IFI27L1: variants seen among roughly 807,000 people sequenced by gnomAD.
The protein encoded by IFI27L1 is interferon alpha-inducible protein 27-like protein 1.
Under a neutral mutation model 9.2 loss-of-function variants are expected in IFI27L1, and 3 were observed. That is an observed-to-expected ratio of 0.32 (90% CI 0.15 to 0.84). The LOEUF (loss-of-function observed/expected upper bound fraction) is 0.84. IFI27L1 is among the 40% of genes least tolerant of loss of function. The probability of loss-of-function intolerance (pLI) is 0.56; values close to 1 mark genes in which losing one functional copy is unlikely to be tolerated. For synonymous variants in IFI27L1, 53 were observed against 50.0 expected, an observed-to-expected ratio of 1.06 and a Z score of -0.26; for missense variants, 133 against 134.2, an observed-to-expected ratio of 0.99 and a Z score of 0.05.
At chr14:94,096,718 T>G in intron 1 of IFI27L1, 169 bp from the exon 2 acceptor site, 2 of 423,086 alleles carry the variant, frequency 4.7e-6, no homozygotes, top group Non-Finnish European at 4.2e-6. Flanking sequence ...AAAAAGGCTA[T>G]GCTTTAAATA....
At chr14:94,102,050 C>CT in intron 4 of IFI27L1, 75 bp downstream of exon 4, 1 of 1,494,692 alleles carries the variant, frequency 6.7e-7, no homozygotes, top group South Asian at 1.1e-5. Context: ...GGCCTCTCCT[C>CT]TCCCTGCAGG....
At chr14:94,102,195 C>T (rs1886927361) in intron 4 of IFI27L1, 2 of 611,606 alleles carry the variant, frequency 3.3e-6, no homozygotes, top group Non-Finnish European at 5.8e-6. Context: ...AGGTCTCCTC[C>T]CCTCTCTGGG....
intron 1 of IFI27L1, among the ~76,000 whole-genome samples, chr14:94,088,562 C>T (rs961961556): frequency 6.7e-6 from 1 of 149,664 alleles, no homozygotes; most frequent in East Asian, 2.0e-4. Context: ...TGCAGTGACA[C>T]GATCTCAGCT....
chr14:94,085,970 A>G (rs1481004827), intron 1 of IFI27L1, among the ~76,000 whole-genome samples: 2 of 152,244 alleles, frequency 1.3e-5, no homozygotes, highest in Non-Finnish European at 2.9e-5. Context: ...ATACGTATGT[A>G]TAAGCATTCT....
chr14:94,100,959 C>T (rs1886872800), intron 3 of IFI27L1, 188 bp downstream of exon 3: 1 of 662,850 alleles, frequency 1.5e-6, no homozygotes, highest in South Asian at 1.8e-5. Flanking sequence ...AGGCACAGGG[C>T]TTTGGAGGCA....
intron 1 of IFI27L1, among the ~76,000 whole-genome samples, chr14:94,082,403 C>A (rs543923533): frequency 6.6e-6 from 1 of 151,784 alleles, no homozygotes; most frequent in East Asian, 1.9e-4. Context: ...GCAAGTTATC[C>A]CCAAGATCTA....
intron 2 of IFI27L1, chr14:94,100,458 A>C: frequency 1.0e-6 from 1 of 985,342 alleles, no homozygotes; most frequent in Non-Finnish European, 1.2e-6. Flanking sequence ...AGGCCCAGGC[A>C]TGCTCTGCCC....
chr14:94,096,757 A>G (rs1886686264), intron 1 of IFI27L1, 130 bp from the exon 2 acceptor site: 1 of 529,614 alleles, frequency 1.9e-6, no homozygotes, highest in Non-Finnish European at 3.4e-6. Flanking sequence ...AAGTGGGTTT[A>G]CGGGATTATA....
At chr14:94,086,182 G>A (rs551173577) in intron 1 of IFI27L1, among the ~76,000 whole-genome samples, 27 of 152,166 alleles carry the variant, frequency 1.8e-4, no homozygotes, top group Middle Eastern at 3.4e-3. Flanking sequence ...AAAGTGTGTG[G>A]CGCCTCCCCT....
At position 94,096,970 on chromosome 14, in the gene IFI27L1, G is replaced by A; in HGVS notation, c.28+5G>A. The A allele has an allele frequency of 6.2e-7, 1 of 1,611,540 alleles. No individual in the cohort carries two copies. Among genetic ancestry groups the A allele is most frequent in the Non-Finnish European group, 8.5e-7 (1 of 1,178,510 alleles). On this transcript the variant is annotated splice_donor_5th_base_variant and intron_variant, in intron 2 of 4. Coordinates refer to ENST00000555523, the MANE Select transcript of IFI27L1 (RefSeq NM_206949.3). ...AGGAGAGTGGATGGGACTCAGGTGG[G>A]TACTGCACATGATTCTGGGGGCTGC...
At chr14:94,096,988 G>A in intron 2 of IFI27L1, 23 bp downstream of exon 2, 1 of 1,600,446 alleles carries the variant, frequency 6.2e-7, no homozygotes, top group Non-Finnish European at 8.5e-7. Context: ...CATGATTCTG[G>A]GGGCTGCTGG....
chr14:94,088,582 C>T (rs1448776297), intron 1 of IFI27L1, among the ~76,000 whole-genome samples: 2 of 150,210 alleles, frequency 1.3e-5, no homozygotes, highest in African/African-American at 4.9e-5. Context: ...TCACTGCAAG[C>T]TCCACCCCCT....
At chr14:94,096,212 G>T (rs1345501164) in intron 1 of IFI27L1, among the ~76,000 whole-genome samples, 2 of 152,184 alleles carry the variant, frequency 1.3e-5, no homozygotes, top group Non-Finnish European at 2.9e-5. Flanking sequence ...CTTATCCCAT[G>T]GGCCATACAA....
chr14:94,087,502 T>A (rs1428372837), intron 1 of IFI27L1, among the ~76,000 whole-genome samples: 1 of 152,218 alleles, frequency 6.6e-6, no homozygotes, highest in East Asian at 1.9e-4. Flanking sequence ...CTCGGCTCAC[T>A]GCGAGCTCCG....
intron 1 of IFI27L1, among the ~76,000 whole-genome samples, chr14:94,092,532 A>C (rs1013067490): frequency 6.6e-6 from 1 of 151,880 alleles, no homozygotes; most frequent in Non-Finnish European, 1.5e-5. Context: ...AAAACAAAAC[A>C]AAAAAAACTT....
chr14:94,095,278 C>T (rs1886627143), intron 1 of IFI27L1, among the ~76,000 whole-genome samples: 1 of 152,146 alleles, frequency 6.6e-6, no homozygotes, highest in Non-Finnish European at 1.5e-5. Flanking sequence ...CTCAAGTGAT[C>T]GTCTTGTCTT....
At chr14:94,097,755 C>G (rs1228224349) in intron 2 of IFI27L1, 1 of 698,000 alleles carries the variant, frequency 1.4e-6, no homozygotes, top group Non-Finnish European at 2.6e-6. Flanking sequence ...AGGCCACTTA[C>G]CCTGAGCTAC....
intron 3 of IFI27L1, chr14:94,101,228 C>G (rs1886883671): frequency 3.9e-6 from 1 of 257,304 alleles, no homozygotes; most frequent in Admixed American, 4.8e-5. Flanking sequence ...ATGGCCAAAA[C>G]TAAAGAAAAT....
intron 2 of IFI27L1, chr14:94,097,735 G>A (rs1285172642): frequency 2.9e-6 from 2 of 701,414 alleles, no homozygotes; most frequent in East Asian, 2.7e-5. Context: ...GTGGAGTCAA[G>A]GAGGACTCCA....
Sources: gnomAD v4.1 joint callset for allele counts (sites outside exome capture counted in the v4.1 genomes callset) on GRCh38, gnomAD v4.1.1 for gene constraint, MANE v1.5 for transcripts, NCBI Gene and HGNC (gene_info 2026-07-23, HGNC 2026-07-21) for gene names.